UBE2F: variants seen among roughly 807,000 people sequenced by gnomAD.
The protein encoded by UBE2F is ubiquitin conjugating enzyme E2 F (putative).
Under a neutral mutation model 29.6 loss-of-function variants are expected in UBE2F, and 5 were observed. The ratio of observed to expected loss-of-function variants is 0.17; its 90% CI spans 0.09 to 0.36. UBE2F has a LOEUF of 0.36. Ranked by LOEUF, UBE2F falls within the 10% of genes least tolerant of loss-of-function variation. The pLI is 1.00. For synonymous variants in UBE2F, 66 were observed against 81.8 expected, an observed-to-expected ratio of 0.81 and a Z score of 1.04; for missense variants, 141 against 228.5, an observed-to-expected ratio of 0.62 and a Z score of 2.47.
intron 4 of UBE2F, among the ~76,000 whole-genome samples, chr2:238,009,528 A>G (rs2063971682): frequency 6.6e-6 from 1 of 152,152 alleles, no homozygotes; most frequent in Non-Finnish European, 1.5e-5. Flanking sequence ...TGTATTTTCT[A>G]GCTGTTGACG....
chr2:238,003,458 A>G lies in UBE2F; in HGVS notation c.214+8649A>G, dbSNP rs1025329027. ...ACAGAGACACCTGATCTGTTCTCAC[A>G]TTGGTCTGTCCCCTGCCTTAAATGT... On this transcript the variant is annotated intron_variant, in intron 4 of 9. Coordinates refer to ENST00000272930, the MANE Select transcript of UBE2F (RefSeq NM_080678.3). 2.6e-5 allele frequency: 12 copies of G among 468,978 alleles called. No individual in the cohort carries two copies. In the Admixed American group the frequency reaches 2.8e-4, roughly 11 times the overall value. The allele number at this position is 468,978 out of a possible 1,614,324, so 29.1% of individuals were successfully genotyped here.
At chr2:238,024,511 C>A (rs778994013) in intron 5 of UBE2F, among the ~76,000 whole-genome samples, 1 of 151,350 alleles carries the variant, frequency 6.6e-6, no homozygotes, top group Non-Finnish European at 1.5e-5. Flanking sequence ...ATGCCCAGCT[C>A]TTTTTTTTTC....
intron 4 of UBE2F, among the ~76,000 whole-genome samples, chr2:237,997,121 G>A (rs1175702768): frequency 6.6e-6 from 1 of 152,140 alleles, no homozygotes; most frequent in Non-Finnish European, 1.5e-5. Context: ...CAGCTACTCA[G>A]GAGGCTGAGG....
rs1034752653 is a variant in UBE2F at position 237,981,904 on chromosome 2, G to A, written c.119-6059G>A. On this transcript the variant is annotated intron_variant, in intron 2 of 9. Coordinates refer to ENST00000272930, the MANE Select transcript of UBE2F (RefSeq NM_080678.3). ...AGCCTCCCAAAGTGCTGGAATTATA[G>A]GCATGAGCGCTGGGAGAGAATTTTA... 3.9e-5 allele frequency among the ~76,000 whole-genome samples: 6 copies of A among 152,010 alleles called. No individual in the cohort carries two copies. The East Asian group carries it at 9.6e-4, about 24-fold the overall frequency.
rs548305142 is a variant in UBE2F, at chr2:238,001,082, TG to T, written c.214+6275del. Among the ~76,000 whole-genome samples, 14 of 142,192 alleles carry T rather than the reference TG, an allele frequency of 9.8e-5. No homozygotes were observed. The South Asian group carries it at 3.2e-3, about 32-fold the overall frequency. 93.3% of individuals were successfully genotyped at this position (142,192 alleles called of 152,430 possible). ...CAAGTTTCACTCTTGTTGCCCAGGC[TG>T]GAGTGCAATGGTGCAATCTCGGCTC... On this transcript the variant is annotated intron_variant, in intron 4 of 9. Coordinates refer to ENST00000272930, the MANE Select transcript of UBE2F (RefSeq NM_080678.3).
At chr2:238,029,608 A>C (rs1412530432) in intron 6 of UBE2F, among the ~76,000 whole-genome samples, 1 of 152,172 alleles carries the variant, frequency 6.6e-6, no homozygotes, top group Admixed American at 6.5e-5. Flanking sequence ...AAAAAAAAAA[A>C]AAAACCCAGT....
At chr2:238,017,931 T>C (rs1259175996) in intron 5 of UBE2F, among the ~76,000 whole-genome samples, 1 of 152,164 alleles carries the variant, frequency 6.6e-6, no homozygotes, top group African/African-American at 2.4e-5. Context: ...GCAACACTTG[T>C]TTTAGAAGCA....
intron 2 of UBE2F, among the ~76,000 whole-genome samples, chr2:237,977,398 A>G (rs1156376498): frequency 6.6e-6 from 1 of 152,120 alleles, no homozygotes; most frequent in Non-Finnish European, 1.5e-5. Context: ...CACTCACCTC[A>G]GGGGCTGCAG....
At chr2:237,994,834 A>G (rs2063659013) in intron 4 of UBE2F, 25 bp downstream of exon 4, 1 of 1,597,412 alleles carries the variant, frequency 6.3e-7, no homozygotes, top group Non-Finnish European at 8.6e-7. Context: ...TAAGTATTAA[A>G]GTGATTTCAA....
intron 2 of UBE2F, among the ~76,000 whole-genome samples, chr2:237,978,934 C>G (rs559450116): frequency 1.3e-5 from 2 of 152,318 alleles, no homozygotes; most frequent in African/African-American, 4.8e-5. Flanking sequence ...GCTTTCTTAC[C>G]TGTCTGAAGT....
Position 238,007,409 on chromosome 2 carries a change from A to G in UBE2F, c.215-9157A>G, listed in dbSNP as rs146675278. Among the ~76,000 whole-genome samples, 279 of 152,316 alleles carry G rather than the reference A, an allele frequency of 1.8e-3. 2 individuals are homozygous for G. The highest frequency in any genetic ancestry group is 6.3e-3 in the African/African-American group (263 of 41,550). On this transcript the variant is annotated intron_variant, in intron 4 of 9. Coordinates refer to ENST00000272930, the MANE Select transcript of UBE2F (RefSeq NM_080678.3). Reference sequence around the variant, plus strand: ...AGTGCTGGGATTACAGGCGTGAGCCACTGAGTCCGGCCTTGCTATAGGGTT... The same window carrying G: ...AGTGCTGGGATTACAGGCGTGAGCCGCTGAGTCCGGCCTTGCTATAGGGTT...
At chr2:237,988,047 C>T in intron 3 of UBE2F, 55 bp downstream of exon 3, 1 of 1,090,156 alleles carries the variant, frequency 9.2e-7, no homozygotes, top group Non-Finnish European at 1.3e-6. Context: ...ATGAAGAAAA[C>T]TTTTTATGTT....
At chr2:238,001,928 T>C (rs1161145224) in intron 4 of UBE2F, among the ~76,000 whole-genome samples, 1 of 152,250 alleles carries the variant, frequency 6.6e-6, no homozygotes, top group Non-Finnish European at 1.5e-5. Flanking sequence ...TGATACATGA[T>C]AATAAACGTG....
At chr2:237,979,991 C>G (rs552114993) in intron 2 of UBE2F, among the ~76,000 whole-genome samples, 4 of 152,336 alleles carry the variant, frequency 2.6e-5, no homozygotes, top group African/African-American at 7.2e-5. Flanking sequence ...GGCTGAGGCC[C>G]TGTGTGTGAG....
chr2:237,998,143 T>A (rs7563005), intron 4 of UBE2F, among the ~76,000 whole-genome samples: 130,735 of 152,254 alleles, frequency 0.86, 56,282 homozygotes, highest in East Asian at 0.97. Flanking sequence ...AAAAATTTTA[T>A]AATCAGTTTT....
chr2:237,990,049 C>T (rs150904265), intron 3 of UBE2F, among the ~76,000 whole-genome samples: 14 of 134,008 alleles, frequency 1.0e-4, no homozygotes, highest in African/African-American at 3.4e-4. Context: ...ACCCAGGAGG[C>T]GGAGGTTGCG....
At position 238,002,956 on chromosome 2, in the gene UBE2F, A is replaced by G. The variant is rs76210873; in HGVS notation, c.214+8147A>G. Among the ~76,000 whole-genome samples, 319 of 152,316 alleles carry G rather than the reference A, an allele frequency of 2.1e-3. 1 individual carries two copies. Among genetic ancestry groups the G allele is most frequent in the African/African-American group, 7.4e-3 (306 of 41,580 alleles). On this transcript the variant is annotated intron_variant, in intron 4 of 9. Coordinates refer to ENST00000272930, the MANE Select transcript of UBE2F (RefSeq NM_080678.3). ...TGACGCATGAATGTTTTGGAACAAC[A>G]TTTAAATAGTTATGGACATGTAAGG...
chr2:238,018,784 C>T lies in UBE2F; in HGVS notation c.282+2151C>T, dbSNP rs114676103. Among the ~76,000 whole-genome samples the T allele has an allele frequency of 1.8e-3, 279 of 152,234 alleles. 2 individuals carry two copies. The highest frequency in any genetic ancestry group is 6.3e-3 in the African/African-American group (263 of 41,514). ...AAAACATTAGCTTTGCCAATGGAGACGGCTGAATTGTTGAAGTCACTTAAT... is the reference window on the plus strand; with the variant it reads ...AAAACATTAGCTTTGCCAATGGAGATGGCTGAATTGTTGAAGTCACTTAAT... On this transcript the variant is annotated intron_variant, in intron 5 of 9. Transcript: ENST00000272930.
intron 4 of UBE2F, among the ~76,000 whole-genome samples, chr2:237,998,446 A>G (rs2063729592): frequency 6.6e-6 from 1 of 152,120 alleles, no homozygotes. Context: ...TTCACTTAAC[A>G]TAGTTTTAAA....
Sources: allele counts gnomAD v4.1 joint callset (sites outside exome capture counted in the v4.1 genomes callset), GRCh38; gene constraint gnomAD v4.1.1; transcripts MANE v1.5; gene names NCBI Gene and HGNC (gene_info 2026-07-23, HGNC 2026-07-21).